Variants in SLC14A2 observed in about 807,000 individuals in gnomAD.
SLC14A2 encodes the protein solute carrier family 14 member 2.
SLC14A2 carries 91 observed loss-of-function variants against 104.6 expected under a neutral mutation model. The observed-to-expected ratio is 0.87, with a 90% confidence interval of 0.73 to 1.04. The LOEUF is 1.04. SLC14A2 is among the 50% of genes least tolerant of loss of function. The pLI is 0.00. For missense variants in SLC14A2, 1,189 were observed against 1,156.0 expected, an observed-to-expected ratio of 1.03 and a Z score of -0.41; for synonymous variants, 476 against 466.4, an observed-to-expected ratio of 1.02 and a Z score of -0.27.
At chr18:45,547,750 T>C (rs1184124188) in intron 2 of SLC14A2, among the ~76,000 whole-genome samples, 1 of 152,190 alleles carries the variant, frequency 6.6e-6, no homozygotes, top group African/African-American at 2.4e-5. Context: ...AATACTTACA[T>C]AACTGTAAGG....
In SLC14A2 at chr18:45,632,610, C is replaced by T. The variant is rs1599091405; in HGVS notation, c.650+132C>T. On this transcript the variant is annotated intron_variant, in intron 5 of 19. Coordinates refer to ENST00000255226, the MANE Select transcript of SLC14A2 (RefSeq NM_007163.4). The stretch of plus-strand genomic sequence containing the variant: ...ATAGCCAAGTTAGCTTGTCTGACAC[C>T]ATGAAAGCCCATGAGTTCTCTTGTA... The T allele has an allele frequency of 4.6e-6, 4 of 861,460 alleles. No homozygotes were observed. The East Asian group carries it at 1.0e-4, about 22-fold the overall frequency. The allele number at this position is 861,460 out of a possible 1,614,324, so 53.4% of individuals were successfully genotyped here.
At chr18:45,346,966 TAA>T (rs2085454561) in intron 1 of SLC14A2, among the ~76,000 whole-genome samples, 1 of 146,450 alleles carries the variant, frequency 6.8e-6, no homozygotes, top group African/African-American at 2.6e-5. Flanking sequence ...GACTCAAAAA[TAA>T]AAATAAAAAT....
intron 2 of SLC14A2, among the ~76,000 whole-genome samples, chr18:45,500,447 G>C (rs1390829125): frequency 1.3e-5 from 2 of 151,916 alleles, no homozygotes; most frequent in East Asian, 1.9e-4. Flanking sequence ...CGTGGTAGCG[G>C]GCGCCTGTAG....
intron 1 of SLC14A2, among the ~76,000 whole-genome samples, chr18:45,414,284 G>A (rs964938346): frequency 6.6e-6 from 1 of 152,162 alleles, no homozygotes; most frequent in African/African-American, 2.4e-5. Context: ...GAGGTACAGT[G>A]CATGAAGTTC....
intron 2 of SLC14A2, among the ~76,000 whole-genome samples, chr18:45,590,837 A>C (rs1360785451): frequency 6.6e-6 from 1 of 152,258 alleles, no homozygotes; most frequent in East Asian, 1.9e-4. Context: ...GCACTGCTCT[A>C]GACATGGATT....
intron 2 of SLC14A2, among the ~76,000 whole-genome samples, chr18:45,489,506 G>T (rs2087679035): frequency 6.6e-6 from 1 of 152,098 alleles, no homozygotes; most frequent in African/African-American, 2.4e-5. Context: ...GCAAGACTCT[G>T]TCTCAAAAAC....
the SLC14A2 span, among the ~76,000 whole-genome samples, chr18:45,188,040 G>A: frequency 6.6e-6 from 1 of 152,008 alleles, no homozygotes; most frequent in East Asian, 1.9e-4. Flanking sequence ...AATATATCCC[G>A]GGTCATCAAA....
chr18:45,527,287 G>A (rs1010767096), intron 2 of SLC14A2, among the ~76,000 whole-genome samples: 1 of 152,128 alleles, frequency 6.6e-6, no homozygotes, highest in African/African-American at 2.4e-5. Flanking sequence ...CTCAGCTCCC[G>A]AGATGACGCT....
chr18:45,623,282 G>T (rs780006846), intron 1 of SLC14A2, among the ~76,000 whole-genome samples: 1 of 152,168 alleles, frequency 6.6e-6, no homozygotes, highest in Non-Finnish European at 1.5e-5. Flanking sequence ...GAGATGAAAA[G>T]GTTCACTGGA....
chr18:45,335,830 C>T (rs931838984), intron 1 of SLC14A2, among the ~76,000 whole-genome samples: 23 of 152,298 alleles, frequency 1.5e-4, no homozygotes, highest in African/African-American at 4.8e-4. Context: ...AGGAGCCTCT[C>T]CCTGATTCAT....
At chr18:45,536,528 TTC>T (rs2043787060) in intron 2 of SLC14A2, among the ~76,000 whole-genome samples, 1 of 152,192 alleles carries the variant, frequency 6.6e-6, no homozygotes, top group Non-Finnish European at 1.5e-5. Context: ...TCACATGGCC[TTC>T]TCTGTGTGTG....
At chr18:45,469,351 C>A (rs1001345842) in intron 1 of SLC14A2, among the ~76,000 whole-genome samples, 2 of 152,160 alleles carry the variant, frequency 1.3e-5, no homozygotes, top group Non-Finnish European at 1.5e-5. Flanking sequence ...AGCTGATTGA[C>A]CAAGTGTTAC....
chr18:45,361,084 C>T (rs772074489), intron 1 of SLC14A2, among the ~76,000 whole-genome samples: 14 of 152,164 alleles, frequency 9.2e-5, no homozygotes, highest in Non-Finnish European at 1.3e-4. Flanking sequence ...CACATCTTGT[C>T]GTTCCTGTCA....
intron 1 of SLC14A2, among the ~76,000 whole-genome samples, chr18:45,425,057 G>A (rs2086405184): frequency 6.6e-6 from 1 of 152,170 alleles, no homozygotes; most frequent in African/African-American, 2.4e-5. Flanking sequence ...GCTGCCTAAT[G>A]GCAAAGCTAA....
At position 45,387,481 on chromosome 18, in the gene SLC14A2, C is replaced by T. The variant is rs1369618394; in HGVS notation, c.-124-95752C>T. ...GGGCAGTCTCTAATTCTAAGTCTCC[C>T]TAGCAGTGTGCTTCATAGGCAGTAA... On this transcript the variant is annotated intron_variant, in intron 1 of 20. Transcript: ENST00000586448. 2.6e-5 allele frequency among the ~76,000 whole-genome samples: 4 copies of T among 152,242 alleles called. No homozygotes were observed. The East Asian group carries it at 5.8e-4, about 22-fold the overall frequency.
At chr18:45,526,509 T>A (rs2043595541) in intron 2 of SLC14A2, among the ~76,000 whole-genome samples, 2 of 152,178 alleles carry the variant, frequency 1.3e-5, no homozygotes, top group South Asian at 4.1e-4. Flanking sequence ...TCAAGTAGCT[T>A]GTAATTTACT....
intron 10 of SLC14A2, among the ~76,000 whole-genome samples, chr18:45,644,681 C>T (rs767836501): frequency 1.3e-4 from 19 of 151,848 alleles, no homozygotes; most frequent in Admixed American, 2.0e-4. Flanking sequence ...AAAACAGGGA[C>T]GATTGGGGCA....
At chr18:45,528,684 C>T (rs2043635554) in intron 2 of SLC14A2, 1 of 152,032 alleles carries the variant, frequency 6.6e-6, no homozygotes. Context: ...GATGAACAAG[C>T]CCTGATCCTG....
chr18:45,233,184 G>T (rs1488399791), intron 1 of SLC14A2, among the ~76,000 whole-genome samples: 1 of 152,148 alleles, frequency 6.6e-6, no homozygotes, highest in Non-Finnish European at 1.5e-5. Flanking sequence ...TGCTGGAGAG[G>T]CTCACACAGA....
Sources: gnomAD v4.1 joint callset for allele counts (sites outside exome capture counted in the v4.1 genomes callset) on GRCh38, gnomAD v4.1.1 for gene constraint, MANE v1.5 for transcripts, NCBI Gene and HGNC (gene_info 2026-07-23, HGNC 2026-07-21) for gene names.